Variants in PTGER3 observed in about 807,000 individuals in gnomAD.
PTGER3 encodes prostaglandin E2 receptor EP3 subtype.
In PTGER3, 22 loss-of-function variants were observed where a neutral mutation model predicts 34.7. That is an observed-to-expected ratio of 0.63 (90% CI 0.45 to 0.91). The LOEUF (loss-of-function observed/expected upper bound fraction) is 0.91, where lower values mean the gene tolerates loss of function less well. PTGER3 is among the 40% of genes least tolerant of loss of function. The pLI is 0.00. For synonymous variants in PTGER3, 241 were observed against 230.1 expected (o/e 1.05, Z -0.43); for missense variants, 468 against 519.4 (o/e 0.90, Z 0.96).
chr1:71,024,039 A>G (rs2100913808), intron 1 of PTGER3, among the ~76,000 whole-genome samples: 1 of 152,212 alleles, frequency 6.6e-6, no homozygotes, highest in East Asian at 1.9e-4. Context: ...ATTTATACAC[A>G]TTGCCCTGAG....
intron 4 of PTGER3, among the ~76,000 whole-genome samples, chr1:70,919,279 T>C (rs1421377788): frequency 6.6e-6 from 1 of 152,186 alleles, no homozygotes; most frequent in Non-Finnish European, 1.5e-5. Context: ...GCCAGTTCTT[T>C]CCTTTCTTAA....
intron 2 of PTGER3, among the ~76,000 whole-genome samples, chr1:70,960,629 G>C (rs909435304): frequency 1.3e-5 from 2 of 152,026 alleles, no homozygotes; most frequent in Admixed American, 1.3e-4. Context: ...TTTAAGATGA[G>C]AGCAAAGAAG....
downstream of PTGER3, among the ~76,000 whole-genome samples, chr1:70,969,588 T>C (rs1216239165): frequency 2.0e-5 from 3 of 152,164 alleles, no homozygotes; most frequent in Non-Finnish European, 4.4e-5. Flanking sequence ...AACTTCAAAG[T>C]TGCAGACAGA....
intron 4 of PTGER3, among the ~76,000 whole-genome samples, chr1:70,871,560 T>C (rs1646163886): frequency 6.6e-6 from 1 of 152,148 alleles, no homozygotes; most frequent in South Asian, 2.1e-4. Flanking sequence ...GAAATGCTTG[T>C]TGAATTGTTA....
intron 4 of PTGER3, among the ~76,000 whole-genome samples, chr1:70,936,523 G>A (rs188345511): frequency 1.3e-5 from 2 of 152,066 alleles, no homozygotes; most frequent in African/African-American, 4.8e-5. Context: ...TTTACATAGT[G>A]AAGAAAAAAA....
intron 1 of PTGER3, among the ~76,000 whole-genome samples, chr1:71,045,129 G>A (rs575938117): frequency 4.3e-4 from 66 of 152,190 alleles, no homozygotes; most frequent in African/African-American, 1.5e-3. Flanking sequence ...AGCGACTTGT[G>A]GGCAGTTAGG....
At chr1:70,971,874 T>A (rs1482375102) in intron 3 of PTGER3, 141 bp from the exon 4 acceptor site, 3 of 545,418 alleles carry the variant, frequency 5.5e-6, no homozygotes, top group South Asian at 9.1e-5. Context: ...TTGAAGTAAT[T>A]ACATGTGTTT....
At chr1:70,891,338 G>A (rs1046851941) in intron 4 of PTGER3, among the ~76,000 whole-genome samples, 3 of 151,992 alleles carry the variant, frequency 2.0e-5, no homozygotes, top group Non-Finnish European at 4.4e-5. Context: ...TTCCCATTTG[G>A]TGTAAACACA....
Position 70,996,001 on chromosome 1 carries a change from ACTC to A in PTGER3, c.1077+16301_1077+16303del, listed in dbSNP as rs200177825. ...CAGAGGCTGAAAGAGATTAAAACCT[ACTC>A]AGTCACACAGCTGGTAAGTCAAGAA... On this transcript the variant is annotated intron_variant, in intron 2 of 3. Coordinates refer to ENST00000306666, the MANE Select transcript of PTGER3 (RefSeq NM_198719.2). Among the ~76,000 whole-genome samples the A allele has an allele frequency of 2.8e-3, 420 of 152,262 alleles. 11 individuals are homozygous for A. Among genetic ancestry groups the A allele is most frequent in the Admixed American group, 0.022 (342 of 15,296 alleles).
At chr1:70,981,380 TTTC>T (rs1557709086) in intron 2 of PTGER3, among the ~76,000 whole-genome samples, 1 of 66,728 alleles carries the variant, frequency 1.5e-5, no homozygotes, top group African/African-American at 6.8e-5. Flanking sequence ...TCTTTCTTTC[TTTC>T]TTTCTTTCTT....
intron 4 of PTGER3, among the ~76,000 whole-genome samples, chr1:70,934,065 A>G (rs1648978107): frequency 6.6e-6 from 1 of 152,136 alleles, no homozygotes; most frequent in Admixed American, 6.6e-5. Flanking sequence ...TAACAGCTCC[A>G]TTTACTGGCA....
intron 3 of PTGER3, among the ~76,000 whole-genome samples, chr1:70,973,941 C>T (rs1377995584): frequency 6.6e-6 from 1 of 152,046 alleles, no homozygotes; most frequent in Non-Finnish European, 1.5e-5. Flanking sequence ...AGCCATATGG[C>T]GAACACGCTG....
intron 4 of PTGER3, among the ~76,000 whole-genome samples, chr1:70,877,149 TC>T (rs2100572648): frequency 6.6e-6 from 1 of 152,322 alleles, no homozygotes; most frequent in Non-Finnish European, 1.5e-5. Flanking sequence ...GTTTTGTAAT[TC>T]TCATTATGGA....
chr1:71,009,673 C>T, intron 2 of PTGER3: 1 of 985,124 alleles, frequency 1.0e-6, no homozygotes, highest in Non-Finnish European at 1.2e-6. Flanking sequence ...CTTCTTCCAC[C>T]ATGGTTTTCT....
At chr1:71,043,782 G>A (rs1049656718) in intron 1 of PTGER3, among the ~76,000 whole-genome samples, 1 of 150,966 alleles carries the variant, frequency 6.6e-6, no homozygotes, top group African/African-American at 2.4e-5. Flanking sequence ...ACTTTGTACA[G>A]TAAATCTTTT....
chr1:70,917,416 TG>T (rs1647202187), intron 4 of PTGER3, among the ~76,000 whole-genome samples: 1 of 140,736 alleles, frequency 7.1e-6, no homozygotes, highest in African/African-American at 2.9e-5. Flanking sequence ...TGTGTGTGTG[TG>T]TGTGTGTGTG....
intron 3 of PTGER3, among the ~76,000 whole-genome samples, chr1:70,973,217 TAGATGATAGATA>T (rs1458545247): frequency 0.016 from 2,008 of 128,888 alleles, 20 homozygotes; most frequent in East Asian, 0.026. Flanking sequence ...GATAGATAGA[TAGATGATAGATA>T]GATAGATAGA....
downstream of PTGER3, among the ~76,000 whole-genome samples, chr1:70,948,837 T>C (rs912897110): frequency 6.6e-6 from 1 of 152,178 alleles, no homozygotes; most frequent in Non-Finnish European, 1.5e-5. Flanking sequence ...TGCAGAAGCC[T>C]ATCTGCATTG....
chr1:70,900,259 C>G (rs898387210), intron 4 of PTGER3, among the ~76,000 whole-genome samples: 2 of 152,180 alleles, frequency 1.3e-5, no homozygotes, highest in Admixed American at 1.3e-4. Flanking sequence ...AAGCCCCCAG[C>G]TCCTATCATG....
Sources: gnomAD v4.1 joint callset for allele counts (sites outside exome capture counted in the v4.1 genomes callset) on GRCh38, gnomAD v4.1.1 for gene constraint, MANE v1.5 for transcripts, NCBI Gene and HGNC (gene_info 2026-07-23, HGNC 2026-07-21) for gene names.